The following WASHC4 variants were observed in gnomAD, a reference collection of about 807,000 sequenced individuals.
The protein encoded by WASHC4 is WASH complex subunit 7.
Under a neutral mutation model 166.6 loss-of-function variants are expected in WASHC4, and 86 were observed. That is an observed-to-expected ratio of 0.52 (90% CI 0.43 to 0.62). The LOEUF (loss-of-function observed/expected upper bound fraction) is 0.62. WASHC4 is among the 20% of genes least tolerant of loss of function. The pLI is 0.00. For missense variants in WASHC4, 1,262 were observed against 1,382.4 expected, an observed-to-expected ratio of 0.91 and a Z score of 1.38; for synonymous variants, 446 against 451.6, an observed-to-expected ratio of 0.99 and a Z score of 0.16.
rs754797882 is a variant in WASHC4 at position 105,162,826 on chromosome 12, T to C, written c.3138T>C (p.Thr1046=). 8 of 1,589,984 alleles carry C rather than the reference T, an allele frequency of 5.0e-6. No individual in the cohort carries two copies. The highest frequency in any genetic ancestry group is 6.9e-6 in the Non-Finnish European group (8 of 1,160,786). The stretch of plus-strand genomic sequence containing the variant: ...AAAATAAAATTGGAGCTGCCTTTAC[T>C]GATGATGGCTTTGCCATGGGTAAGC... The part of the protein sequence containing the change: ...NKKNKIGAAF[T]DDGFAMGVAY... The change falls in exon 30 of 33, where the codon ACT becomes ACC. Residue 1046 remains threonine (T), a synonymous_variant. Coordinates refer to ENST00000332180, the MANE Select transcript of WASHC4 (RefSeq NM_015275.3).
Position 105,114,255 on chromosome 12 carries a change from A to C in WASHC4, c.241A>C (p.Lys81Gln). The C allele has an allele frequency of 6.2e-7, 1 of 1,610,392 alleles. No homozygotes were observed. Among genetic ancestry groups the C allele is most frequent in the Non-Finnish European group, 8.5e-7 (1 of 1,177,726 alleles). ...ACAGTCCTCTCTTTTGGAACTCATA[A>C]AGACTGAAAACAAGGTACAGAATCC... ...YEQSSLLELI[K>Q]TENKVLNKVI... is the part of the protein sequence containing the mutation. Residue 81 changes from lysine to glutamine, a missense_variant, in exon 3 of 33, where the codon AAG (lysine) becomes CAG (glutamine). Lys to Gln is a moderately conservative substitution (Grantham distance 53). Coordinates refer to ENST00000332180, the MANE Select transcript of WASHC4 (RefSeq NM_015275.3).
At chr12:105,122,937 C>CT (rs1487987355) in intron 10 of WASHC4, among the ~76,000 whole-genome samples, 3 of 152,164 alleles carry the variant, frequency 2.0e-5, no homozygotes, top group Non-Finnish European at 4.4e-5. Context: ...ACAGTGGCCT[C>CT]TAAGTGTTCA....
At chr12:105,162,014 G>A (rs975961163) in intron 29 of WASHC4, among the ~76,000 whole-genome samples, 6 of 152,316 alleles carry the variant, frequency 3.9e-5, no homozygotes, top group Middle Eastern at 6.8e-3. Flanking sequence ...CTCAGTGGCC[G>A]CTTGTGATTA....
rs1451446305 is a variant in WASHC4, at chr12:105,143,169, C to G, written c.1936C>G (p.His646Asp). The G allele has an allele frequency of 6.2e-7, 1 of 1,611,598 alleles. No individual in the cohort carries two copies. Among genetic ancestry groups the G allele is most frequent in the East Asian group, 2.2e-5 (1 of 44,764 alleles). ...ALRDCVPAMM[H>D]ARHLESYEIL... ...GCGCGACTGTGTACCTGCTATGATG[C>G]ATGCAAGGCATTTAGAGTCCTATGA... The change falls in exon 20 of 33, where the codon CAT becomes GAT. Residue 646 changes from histidine (H) to aspartate (D), a missense_variant. Transcript: ENST00000332180.
At chr12:105,127,819 T>C (rs1414891978) in intron 13 of WASHC4, among the ~76,000 whole-genome samples, 1 of 152,206 alleles carries the variant, frequency 6.6e-6, no homozygotes, top group African/African-American at 2.4e-5. Flanking sequence ...TTTAACTCTT[T>C]GTTTCTTCTT....
chr12:105,133,136 C>G (rs1882011063), intron 13 of WASHC4, among the ~76,000 whole-genome samples: 2 of 152,068 alleles, frequency 1.3e-5, no homozygotes, highest in South Asian at 4.1e-4. Context: ...TCCACAAATC[C>G]CTTCCCCATC....
At chr12:105,140,198 A>G in intron 15 of WASHC4, 96 bp from the exon 16 acceptor site, 1 of 907,644 alleles carries the variant, frequency 1.1e-6, no homozygotes, top group Non-Finnish European at 1.8e-6. Context: ...TCTCATTTAC[A>G]AATCCCTTCC....
At chr12:105,129,676 T>A (rs1255173079) in intron 13 of WASHC4, among the ~76,000 whole-genome samples, 1 of 152,222 alleles carries the variant, frequency 6.6e-6, no homozygotes, top group African/African-American at 2.4e-5. Context: ...CTGTATAGTT[T>A]GGCCTTTAAA....
At chr12:105,108,303 T>A (rs1201503283) in intron 1 of WASHC4, among the ~76,000 whole-genome samples, 1 of 152,198 alleles carries the variant, frequency 6.6e-6, no homozygotes, top group African/African-American at 2.4e-5. Flanking sequence ...GTTTTTCTTC[T>A]TTTCCTCCCA....
chr12:105,164,974 G>A (rs1426936347), intron 32 of WASHC4, among the ~76,000 whole-genome samples: 1 of 152,150 alleles, frequency 6.6e-6, no homozygotes, highest in African/African-American at 2.4e-5. Flanking sequence ...CCTTGTTCAG[G>A]ATCATCTGCT....
chr12:105,138,354 A>G (rs1441810361), intron 15 of WASHC4, among the ~76,000 whole-genome samples: 3 of 132,838 alleles, frequency 2.3e-5, no homozygotes, highest in African/African-American at 7.6e-5. Context: ...AAAAGGTTGC[A>G]TGAGTTAAAA....
chr12:105,148,038 C>T, intron 24 of WASHC4: 1 of 985,252 alleles, frequency 1.0e-6, no homozygotes, highest in Non-Finnish European at 1.2e-6. Context: ...CAGTTAATTT[C>T]TCCTTTAGGG....
chr12:105,160,166 C>T lies in WASHC4; in HGVS notation c.3060+18C>T. The T allele has an allele frequency of 2.5e-6, 4 of 1,606,064 alleles. No homozygotes were observed. The South Asian group carries it at 4.4e-5, about 18-fold the overall frequency. On this transcript the variant is annotated intron_variant, in intron 29 of 32. Transcript: ENST00000332180. ...CCCCTCTGGTGAGTATTTCCAGAAC[C>T]TAAAATGAATTTTTTTTTTAAAAAG... is the stretch of plus-strand genomic sequence containing the variant.
chr12:105,124,555 A>G, intron 10 of WASHC4, among the ~76,000 whole-genome samples: 1 of 151,788 alleles, frequency 6.6e-6, no homozygotes, highest in Non-Finnish European at 1.5e-5. Flanking sequence ...ATCTTTGCTC[A>G]CTGCAACCTC....
chr12:105,142,873 A>G (rs1882983432), intron 19 of WASHC4, among the ~76,000 whole-genome samples: 2 of 152,060 alleles, frequency 1.3e-5, no homozygotes, highest in South Asian at 2.1e-4. Context: ...AAATATTCAT[A>G]TTTTTCTTTA....
At position 105,164,093 on chromosome 12, in the gene WASHC4, T is replaced by C. The variant is rs1884663292; in HGVS notation, c.3158-18T>C. ...TGTACTCACTGTAATTTAACCTTAG[T>C]TTTGCTTATGCCTGCAGGTGTGGCT... is the stretch of plus-strand genomic sequence containing the variant. On this transcript the variant is annotated intron_variant, in intron 30 of 32. Coordinates refer to ENST00000332180, the MANE Select transcript of WASHC4 (RefSeq NM_015275.3). 1 of 1,613,244 alleles carries C rather than the reference T, an allele frequency of 6.2e-7. No individual in the cohort carries two copies. The highest frequency in any genetic ancestry group is 1.3e-5 in the African/African-American group (1 of 75,044).
intron 28 of WASHC4, among the ~76,000 whole-genome samples, chr12:105,157,602 C>T (rs1304589161): frequency 1.9e-4 from 29 of 152,164 alleles, no homozygotes; most frequent in Admixed American, 1.9e-3. Flanking sequence ...ACATAACTAA[C>T]CTTGAAGATT....
At chr12:105,108,855 T>C (rs887380446) in intron 1 of WASHC4, among the ~76,000 whole-genome samples, 2 of 152,050 alleles carry the variant, frequency 1.3e-5, no homozygotes, top group Admixed American at 6.6e-5. Context: ...ATGAATTAGG[T>C]TTTACAAGTC....
In WASHC4 at chr12:105,152,417, C is replaced by T; in HGVS notation, c.2724C>T (p.Tyr908=). 1 of 1,603,638 alleles carries T rather than the reference C, an allele frequency of 6.2e-7. No individual in the cohort carries two copies. Among genetic ancestry groups the T allele is most frequent in the Non-Finnish European group, 8.5e-7 (1 of 1,170,672 alleles). Residue 908 remains tyrosine (Y), a synonymous_variant, in exon 26 of 33, where the codon TAC becomes TAT. Transcript: ENST00000332180. ...KLGVTPEGQS[Y]LDQFRQLISQ... Reference sequence around the variant, plus strand: ...GAGTAACACCTGAGGGACAGAGCTACCTTGATCAATTCAGGCAACTCATCA... The same window carrying T: ...GAGTAACACCTGAGGGACAGAGCTATCTTGATCAATTCAGGCAACTCATCA...
Sources: gnomAD v4.1 joint callset for allele counts (sites outside exome capture counted in the v4.1 genomes callset) on GRCh38, gnomAD v4.1.1 for gene constraint, MANE v1.5 for transcripts, NCBI Gene and HGNC (gene_info 2026-07-23, HGNC 2026-07-21) for gene names.